The following MCTP1 variants were observed in gnomAD, a reference collection of about 807,000 sequenced individuals.
MCTP1 encodes multiple C2 and transmembrane domain-containing protein 1.
MCTP1 carries 69 observed loss-of-function variants against 120.6 expected under a neutral mutation model. The observed-to-expected ratio is 0.57, with a 90% CI of 0.47 to 0.70. The LOEUF is 0.70. Ranked by LOEUF, MCTP1 falls within the 30% of genes least tolerant of loss-of-function variation. MCTP1 has a pLI of 0.00. For missense variants in MCTP1, 1,203 were observed against 1,248.8 expected, an observed-to-expected ratio of 0.96 and a Z score of 0.55; for synonymous variants, 529 against 493.1, an observed-to-expected ratio of 1.07 and a Z score of -0.96.
At chr5:95,097,455 T>C (rs1182940412) in intron 1 of MCTP1, among the ~76,000 whole-genome samples, 2 of 152,182 alleles carry the variant, frequency 1.3e-5, no homozygotes, top group African/African-American at 4.8e-5. Context: ...AGGAAAGACC[T>C]GGTACAGAAG....
Position 95,260,166 on chromosome 5 carries a change from A to G in MCTP1, c.720+23690T>C, listed in dbSNP as rs150514780. ...GTATTTTTCTACAATTGAGTATCAA[A>G]TTGAGGCTGAGTGTGGAGGAAAAGT... On this transcript the variant is annotated intron_variant, in intron 1 of 22. Coordinates refer to ENST00000515393, the MANE Select transcript of MCTP1 (RefSeq NM_024717.7). Among the ~76,000 whole-genome samples the G allele has an allele frequency of 4.8e-3, 737 of 152,296 alleles. 5 individuals are homozygous for G. Among genetic ancestry groups the G allele is most frequent in the Middle Eastern group, 0.014 (4 of 294 alleles).
chr5:95,111,970 C>T (rs1171460100), intron 1 of MCTP1, among the ~76,000 whole-genome samples: 3 of 152,164 alleles, frequency 2.0e-5, no homozygotes, highest in South Asian at 2.1e-4. Context: ...CAAACATACA[C>T]ATCTAACTTA....
chr5:94,987,732 T>C (rs763244714), intron 2 of MCTP1, among the ~76,000 whole-genome samples: 8 of 152,100 alleles, frequency 5.3e-5, no homozygotes, highest in Non-Finnish European at 1.2e-4. Context: ...ACATAGAAAA[T>C]AATATCTTCA....
intron 19 of MCTP1, among the ~76,000 whole-genome samples, chr5:94,776,376 A>C (rs539052559): frequency 6.6e-6 from 1 of 152,228 alleles, no homozygotes; most frequent in East Asian, 1.9e-4. Context: ...GGCTTAGGGA[A>C]CGCCTGCCAG....
chr5:94,780,457 C>T (rs1001347546), intron 18 of MCTP1, among the ~76,000 whole-genome samples: 5 of 152,196 alleles, frequency 3.3e-5, no homozygotes, highest in African/African-American at 1.2e-4. Context: ...CTCCAGGTCT[C>T]ATGAACGAAT....
At chr5:95,116,808 G>A (rs1225743729) in intron 1 of MCTP1, among the ~76,000 whole-genome samples, 1 of 152,188 alleles carries the variant, frequency 6.6e-6, no homozygotes, top group African/African-American at 2.4e-5. Flanking sequence ...ACTGTGAATG[G>A]GAATTCATTT....
At chr5:95,092,001 A>G (rs1444329779) in intron 1 of MCTP1, among the ~76,000 whole-genome samples, 1 of 152,214 alleles carries the variant, frequency 6.6e-6, no homozygotes, top group Non-Finnish European at 1.5e-5. Context: ...AAAGGCTCAA[A>G]GGGAAGTGAG....
chr5:95,047,353 C>G (rs1744815308), intron 1 of MCTP1, among the ~76,000 whole-genome samples: 1 of 152,100 alleles, frequency 6.6e-6, no homozygotes, highest in African/African-American at 2.4e-5. Context: ...TCATGCTGCT[C>G]CCTGGCTGAA....
At chr5:95,029,469 G>T (rs1029002325) in intron 1 of MCTP1, among the ~76,000 whole-genome samples, 1 of 152,200 alleles carries the variant, frequency 6.6e-6, no homozygotes, top group Non-Finnish European at 1.5e-5. Flanking sequence ...TAAAGTGACT[G>T]TGAATAGACA....
At chr5:95,199,658 G>C (rs915955725) in intron 1 of MCTP1, among the ~76,000 whole-genome samples, 2 of 152,144 alleles carry the variant, frequency 1.3e-5, no homozygotes, top group Admixed American at 6.5e-5. Flanking sequence ...AGGGGGTCAA[G>C]ACCAGCCTGG....
chr5:95,251,091 T>C (rs154064), intron 1 of MCTP1, among the ~76,000 whole-genome samples: 22,922 of 151,994 alleles, frequency 0.15, 1,886 homozygotes, highest in Non-Finnish European at 0.19. Flanking sequence ...CAGACGAGAA[T>C]TTCGGACAGA....
intron 1 of MCTP1, among the ~76,000 whole-genome samples, chr5:95,264,481 T>G (rs1031086026): frequency 6.6e-6 from 1 of 152,188 alleles, no homozygotes; most frequent in Non-Finnish European, 1.5e-5. Flanking sequence ...CAGCAGCTCA[T>G]AGATAGATTT....
At chr5:94,842,261 C>T (rs545517469) in intron 17 of MCTP1, among the ~76,000 whole-genome samples, 1 of 152,244 alleles carries the variant, frequency 6.6e-6, no homozygotes, top group African/African-American at 2.4e-5. Flanking sequence ...CCCCTGTAGA[C>T]ATTAGGGAAA....
At position 94,917,889 on chromosome 5, in the gene MCTP1, AACTT is replaced by A; in HGVS notation, c.1350+3_1350+6del. 6.2e-7 allele frequency: 1 copy of A among 1,611,030 alleles called. No homozygotes were observed. The highest frequency in any genetic ancestry group is 8.5e-7 in the Non-Finnish European group (1 of 1,177,206). On this transcript the variant is annotated splice_donor_5th_base_variant and intron_variant, in intron 8 of 22. Transcript: ENST00000515393. ...AAAAAATAAATGAACTGAATGGTTG[AACTT>A]ACTTGTACATTTTTGCAATAAGGAT...
intron 2 of MCTP1, among the ~76,000 whole-genome samples, chr5:94,965,560 T>C (rs1825385948): frequency 6.6e-6 from 1 of 152,058 alleles, no homozygotes; most frequent in South Asian, 2.1e-4. Flanking sequence ...GGACAAGGGG[T>C]GTAATCTCCT....
rs1303683134 is a variant in MCTP1, at chr5:94,708,578, A to G, written c.2862T>C (p.Ser954=). Residue 954 remains serine, a synonymous_variant, in exon 22 of 23, where the codon AGT becomes AGC. Coordinates refer to ENST00000515393, the MANE Select transcript of MCTP1 (RefSeq NM_024717.7). ...GTTCATTGTTATCAATTGCATATGG[A>G]CTCCGAAGCTTTTTTGTAAATTTAT... ...GINKFTKKLR[S]PYAIDNNELL... is the part of the protein sequence containing the mutation. The G allele has an allele frequency of 6.2e-7, 1 of 1,610,932 alleles. No homozygotes were observed. The highest frequency in any genetic ancestry group is 8.5e-7 in the Non-Finnish European group (1 of 1,177,878).
chr5:95,176,987 C>G (rs1748065407), intron 1 of MCTP1, among the ~76,000 whole-genome samples: 1 of 151,734 alleles, frequency 6.6e-6, no homozygotes, highest in Admixed American at 6.6e-5. Context: ...GCCTCAGCCT[C>G]CCGAGTAGCT....
chr5:94,997,521 C>T (rs927182926), intron 2 of MCTP1, among the ~76,000 whole-genome samples: 16 of 152,156 alleles, frequency 1.1e-4, no homozygotes, highest in Admixed American at 6.6e-5. Context: ...CGTGTACACA[C>T]GTGCATGTAG....
intron 1 of MCTP1, among the ~76,000 whole-genome samples, chr5:95,065,050 C>T (rs1327542602): frequency 1.4e-4 from 22 of 152,026 alleles, no homozygotes. Context: ...TTTGCCAATT[C>T]ATTTAAAATT....
Sources: allele counts gnomAD v4.1 joint callset (sites outside exome capture counted in the v4.1 genomes callset), GRCh38; gene constraint gnomAD v4.1.1; transcripts MANE v1.5; gene names NCBI Gene and HGNC (gene_info 2026-07-23, HGNC 2026-07-21).